The following NPAS3 variants were observed in gnomAD, a reference collection of about 807,000 sequenced individuals.
The protein encoded by NPAS3 is neuronal PAS domain-containing protein 3.
In NPAS3, 14 loss-of-function variants were observed where a neutral mutation model predicts 73.1. The ratio of observed to expected loss-of-function variants is 0.19; its 90% CI spans 0.13 to 0.30. NPAS3 has a LOEUF of 0.30. Ranked by LOEUF, NPAS3 falls within the 10% of genes least tolerant of loss-of-function variation. The pLI is 1.00. For synonymous variants in NPAS3, 620 were observed against 541.5 expected, an observed-to-expected ratio of 1.14 and a Z score of -2.01; for missense variants, 1,096 against 1,250.0, an observed-to-expected ratio of 0.88 and a Z score of 1.86.
intron 4 of NPAS3, among the ~76,000 whole-genome samples, chr14:33,483,323 G>A (rs1178463799): frequency 1.3e-5 from 2 of 152,138 alleles, no homozygotes; most frequent in African/African-American, 4.8e-5. Flanking sequence ...AATCAGTGTT[G>A]GGCTGCTTGT....
chr14:33,400,105 A>G (rs1452301480), intron 4 of NPAS3, among the ~76,000 whole-genome samples: 1 of 152,152 alleles, frequency 6.6e-6, no homozygotes, highest in Non-Finnish European at 1.5e-5. Flanking sequence ...TCTGATAATT[A>G]AATGTTACTT....
intron 5 of NPAS3, among the ~76,000 whole-genome samples, chr14:33,567,038 T>C (rs1184200583): frequency 1.3e-5 from 2 of 152,234 alleles, no homozygotes; most frequent in African/African-American, 4.8e-5. Flanking sequence ...TTTTTACGCC[T>C]AGAATTTTTC....
intron 5 of NPAS3, among the ~76,000 whole-genome samples, chr14:33,569,993 G>C (rs2139813507): frequency 6.6e-6 from 1 of 152,276 alleles, no homozygotes; most frequent in East Asian, 1.9e-4. Flanking sequence ...AGATGACTAA[G>C]TAAGAGATTA....
intron 6 of NPAS3, among the ~76,000 whole-genome samples, chr14:33,712,576 T>C (rs766253094): frequency 3.9e-5 from 6 of 152,186 alleles, no homozygotes; most frequent in Non-Finnish European, 8.8e-5. Context: ...AATCACGTAA[T>C]CACTGTTTTT....
intron 2 of NPAS3, among the ~76,000 whole-genome samples, chr14:33,088,678 TG>T (rs140529379): frequency 0.019 from 2,879 of 152,330 alleles, 86 homozygotes; most frequent in African/African-American, 0.066. Context: ...AAGAGAGTAG[TG>T]GTTCTCCTAG....
At chr14:32,972,532 A>G (rs1460446364) in intron 1 of NPAS3, among the ~76,000 whole-genome samples, 3 of 152,156 alleles carry the variant, frequency 2.0e-5, no homozygotes, top group Non-Finnish European at 2.9e-5. Context: ...TTGAAATCAC[A>G]TTTTTGTTTT....
At chr14:33,136,846 C>T (rs1369316572) in intron 2 of NPAS3, among the ~76,000 whole-genome samples, 4 of 152,174 alleles carry the variant, frequency 2.6e-5, no homozygotes, top group Non-Finnish European at 5.9e-5. Context: ...TTACCAATAC[C>T]GCTTTTTCCT....
chr14:33,803,701 T>C (rs2063766665), downstream of NPAS3: 1 of 80,246 alleles, frequency 1.2e-5, no homozygotes, highest in Admixed American at 1.9e-4. Flanking sequence ...GTGTTGAAAA[T>C]TACAAAATGA....
intron 2 of NPAS3, among the ~76,000 whole-genome samples, chr14:33,087,788 GA>G (rs972484982): frequency 4.6e-5 from 7 of 152,178 alleles, no homozygotes; most frequent in African/African-American, 9.7e-5. Flanking sequence ...TCATTTTAAT[GA>G]AAACTTAGTA....
At chr14:33,486,243 C>T (rs1477204107) in intron 4 of NPAS3, among the ~76,000 whole-genome samples, 1 of 151,942 alleles carries the variant, frequency 6.6e-6, no homozygotes, top group East Asian at 1.9e-4. Context: ...TAACGGCGGC[C>T]AATTGTGATA....
chr14:33,285,403 C>G (rs1372760427), intron 3 of NPAS3, among the ~76,000 whole-genome samples: 1 of 152,142 alleles, frequency 6.6e-6, no homozygotes, highest in African/African-American at 2.4e-5. Context: ...CAGCATACTC[C>G]GTAGTTATTG....
At chr14:33,082,762 A>AAT (rs1250435341) in intron 2 of NPAS3, among the ~76,000 whole-genome samples, 2 of 152,236 alleles carry the variant, frequency 1.3e-5, no homozygotes, top group Non-Finnish European at 2.9e-5. Flanking sequence ...TCTCATTGGT[A>AAT]AAATCCAAGT....
chr14:33,234,920 A>T (rs897209189), intron 3 of NPAS3, among the ~76,000 whole-genome samples: 1 of 152,138 alleles, frequency 6.6e-6, no homozygotes, highest in African/African-American at 2.4e-5. Flanking sequence ...TGACAACTTG[A>T]ATAGATACGG....
intron 1 of NPAS3, among the ~76,000 whole-genome samples, chr14:32,954,524 G>A (rs1427151526): frequency 6.6e-6 from 1 of 152,074 alleles, no homozygotes; most frequent in Non-Finnish European, 1.5e-5. Flanking sequence ...CTTTTACCAT[G>A]TTAGCTACCT....
At chr14:33,261,325 C>T (rs1012065552) in intron 3 of NPAS3, among the ~76,000 whole-genome samples, 3 of 151,684 alleles carry the variant, frequency 2.0e-5, no homozygotes, top group Non-Finnish European at 4.4e-5. Flanking sequence ...ACTCATTTTC[C>T]CCTTAATGTG....
At chr14:33,142,694 A>T (rs1200017472) in intron 2 of NPAS3, among the ~76,000 whole-genome samples, 4 of 152,224 alleles carry the variant, frequency 2.6e-5, no homozygotes, top group Non-Finnish European at 5.9e-5. Context: ...TGGGGAATAG[A>T]AAGGATTATT....
intron 1 of NPAS3, among the ~76,000 whole-genome samples, chr14:33,000,802 A>G (rs2038779548): frequency 6.6e-6 from 1 of 152,226 alleles, no homozygotes; most frequent in Non-Finnish European, 1.5e-5. Flanking sequence ...GGGGTAAGTC[A>G]GAAACTGTTT....
At chr14:33,073,554 G>A (rs531643737) in intron 2 of NPAS3, among the ~76,000 whole-genome samples, 39 of 152,230 alleles carry the variant, frequency 2.6e-4, no homozygotes, top group African/African-American at 9.1e-4. Flanking sequence ...TGTGGCTGTC[G>A]AGAATTGAGG....
At position 33,717,389 on chromosome 14, in the gene NPAS3, C is replaced by T. The variant is rs547235238; in HGVS notation, c.734-17825C>T. On this transcript the variant is annotated intron_variant, in intron 6 of 11. Transcript: ENST00000356141. ...TCTAATTATTGATGTTCAATAACAA[C>T]TTCTCCCTGAAATCCTAACTGTTCA... 1.1e-3 allele frequency among the ~76,000 whole-genome samples: 164 copies of T among 152,166 alleles called. 2 individuals are homozygous for T. The highest frequency in any genetic ancestry group is 3.9e-3 in the African/African-American group (160 of 41,544).
Sources: gnomAD v4.1 joint callset for allele counts (sites outside exome capture counted in the v4.1 genomes callset) on GRCh38, gnomAD v4.1.1 for gene constraint, MANE v1.5 for transcripts, NCBI Gene and HGNC (gene_info 2026-07-23, HGNC 2026-07-21) for gene names.